MAP4K3: variants seen among roughly 807,000 people sequenced by gnomAD.
The protein encoded by MAP4K3 is MAPK/ERK kinase kinase kinase 3.
In MAP4K3, 94 loss-of-function variants were observed where a neutral mutation model predicts 143.5. The observed-to-expected ratio is 0.65, with a 90% CI of 0.55 to 0.78. The LOEUF is 0.78. Among genes scored for constraint, MAP4K3 ranks in the 30% least tolerant of loss-of-function variants. The pLI is 0.00. For synonymous variants in MAP4K3, 416 were observed against 347.2 expected (o/e 1.20, Z -2.20); for missense variants, 1,077 against 1,068.1 (o/e 1.01, Z -0.12).
At chr2:39,382,325 A>T (rs534296773) in intron 1 of MAP4K3, among the ~76,000 whole-genome samples, 1 of 152,340 alleles carries the variant, frequency 6.6e-6, no homozygotes, top group East Asian at 1.9e-4. Context: ...ACCATCATCT[A>T]CTATGTATTG....
chr2:39,347,821 T>C (rs17023746), intron 3 of MAP4K3, among the ~76,000 whole-genome samples: 3,089 of 152,156 alleles, frequency 0.02, 98 homozygotes, highest in African/African-American at 0.071. Context: ...CACAACTTCT[T>C]TCTTATAAGT....
chr2:39,322,535 AC>A (rs1683341103), intron 12 of MAP4K3, among the ~76,000 whole-genome samples: 1 of 151,734 alleles, frequency 6.6e-6, no homozygotes, highest in Non-Finnish European at 1.5e-5. Flanking sequence ...AAAAAGTCAA[AC>A]TTTCTTCCAC....
intron 9 of MAP4K3, 43 bp downstream of exon 9, chr2:39,326,103 T>C: frequency 1.3e-6 from 2 of 1,593,876 alleles, no homozygotes; most frequent in South Asian, 1.1e-5. Context: ...ACTAAGAGGA[T>C]AAAAACCTTA....
chr2:39,261,087 C>T, intron 28 of MAP4K3: 1 of 227,058 alleles, frequency 4.4e-6, no homozygotes, highest in Non-Finnish European at 8.5e-6. Flanking sequence ...AGCCCATGGT[C>T]CCCCGGCCTT....
At chr2:39,279,160 G>C (rs147125897) in intron 23 of MAP4K3, among the ~76,000 whole-genome samples, 1 of 152,130 alleles carries the variant, frequency 6.6e-6, no homozygotes, top group Non-Finnish European at 1.5e-5. Flanking sequence ...AAAAGTGCCC[G>C]ATCTGTTTTT....
At position 39,282,497 on chromosome 2, in the gene MAP4K3, C is replaced by T; in HGVS notation, c.1629+16G>A. The T allele has an allele frequency of 2.5e-6, 4 of 1,603,822 alleles. No homozygotes were observed. Among genetic ancestry groups the T allele is most frequent in the Non-Finnish European group, 3.4e-6 (4 of 1,172,804 alleles). On this transcript the variant is annotated intron_variant, in intron 22 of 33. Coordinates refer to ENST00000263881, the MANE Select transcript of MAP4K3 (RefSeq NM_003618.4). ...ACTTAGCTTGAAACTTAGCCTACTCCATATTTAGTACTTACATGCACTTTA... is the reference window on the plus strand; with the variant it reads ...ACTTAGCTTGAAACTTAGCCTACTCTATATTTAGTACTTACATGCACTTTA...
intron 2 of MAP4K3, among the ~76,000 whole-genome samples, chr2:39,363,549 A>T (rs1369439542): frequency 2.0e-5 from 3 of 151,694 alleles, no homozygotes; most frequent in Non-Finnish European, 2.9e-5. Flanking sequence ...GGTGTCTGTA[A>T]TCCCAGGTAC....
intron 1 of MAP4K3, among the ~76,000 whole-genome samples, chr2:39,416,264 TA>T (rs1304228170): frequency 1.3e-5 from 2 of 151,902 alleles, no homozygotes; most frequent in Non-Finnish European, 2.9e-5. Context: ...AACCAAATGC[TA>T]AACAGGCTCT....
intron 1 of MAP4K3, among the ~76,000 whole-genome samples, chr2:39,379,477 C>A (rs999459550): frequency 4.6e-5 from 7 of 151,996 alleles, no homozygotes; most frequent in Non-Finnish European, 7.4e-5. Context: ...ATAGACAGTG[C>A]TGGATACTAG....
chr2:39,359,431 G>C (rs1404095138), intron 2 of MAP4K3, among the ~76,000 whole-genome samples: 2 of 152,160 alleles, frequency 1.3e-5, no homozygotes, highest in Non-Finnish European at 2.9e-5. Flanking sequence ...TTCACAGGCT[G>C]GTATTAAGTG....
chr2:39,380,183 T>C (rs1666323057), intron 1 of MAP4K3, among the ~76,000 whole-genome samples: 1 of 152,164 alleles, frequency 6.6e-6, no homozygotes, highest in Non-Finnish European at 1.5e-5. Flanking sequence ...AGAAATATCT[T>C]CCAATATGTA....
Position 39,403,470 on chromosome 2 carries a change from T to C in MAP4K3, c.97-25347A>G, listed in dbSNP as rs143102970. On this transcript the variant is annotated intron_variant, in intron 1 of 33. Coordinates refer to ENST00000263881, the MANE Select transcript of MAP4K3 (RefSeq NM_003618.4). ...GCAGAGAATGTGTGTGCTTGAGGGA[T>C]GGAAAGCACAGTGATTGTGAGACTT... Among the ~76,000 whole-genome samples the C allele has an allele frequency of 4.0e-4, 61 of 152,192 alleles. No homozygotes were observed. The East Asian group carries it at 0.011, about 27-fold the overall frequency.
chr2:39,387,497 A>G lies in MAP4K3; in HGVS notation c.97-9374T>C, dbSNP rs533534687. ...GTCACACGTGGCTAGTGATAACTGC[A>G]TTAGACAGCACAACTCTAAAATGTT... On this transcript the variant is annotated intron_variant, in intron 1 of 33. Transcript: ENST00000263881. Among the ~76,000 whole-genome samples, 3 of 152,350 alleles carry G rather than the reference A, an allele frequency of 2.0e-5. No individual in the cohort carries two copies. In the South Asian group the frequency reaches 6.2e-4, roughly 32 times the overall value.
intron 1 of MAP4K3, among the ~76,000 whole-genome samples, chr2:39,414,700 C>A (rs565445894): frequency 3.9e-5 from 6 of 152,202 alleles, no homozygotes; most frequent in Admixed American, 3.9e-4. Context: ...ACGGTGAAAC[C>A]CCGTCTCTAG....
At chr2:39,290,544 A>C (rs1681998882) in intron 18 of MAP4K3, among the ~76,000 whole-genome samples, 1 of 152,214 alleles carries the variant, frequency 6.6e-6, no homozygotes, top group South Asian at 2.1e-4. Flanking sequence ...TGTTAAGTGA[A>C]ATAAGCCAAA....
intron 16 of MAP4K3, among the ~76,000 whole-genome samples, chr2:39,296,464 T>C (rs1682285895): frequency 6.6e-6 from 1 of 152,160 alleles, no homozygotes; most frequent in South Asian, 2.1e-4. Flanking sequence ...ACAAAAACAA[T>C]GCTTTCAGAT....
chr2:39,294,741 A>G (rs2148482554), intron 16 of MAP4K3, among the ~76,000 whole-genome samples: 1 of 152,386 alleles, frequency 6.6e-6, no homozygotes, highest in East Asian at 1.9e-4. Context: ...GTAATTTAGG[A>G]CAGAGTTGGG....
chr2:39,371,185 T>A (rs1159124066), intron 2 of MAP4K3, among the ~76,000 whole-genome samples: 3 of 150,806 alleles, frequency 2.0e-5, no homozygotes, highest in Non-Finnish European at 4.4e-5. Context: ...AAAGAAAAGA[T>A]AAGAGTTTTT....
intron 28 of MAP4K3, 86 bp from the exon 29 acceptor site, chr2:39,260,863 A>G: frequency 1.2e-6 from 1 of 842,154 alleles, no homozygotes; most frequent in African/African-American, 1.7e-5. Flanking sequence ...GCTTTCTACA[A>G]TAAAGACTGC....
Sources: allele counts gnomAD v4.1 joint callset (sites outside exome capture counted in the v4.1 genomes callset), GRCh38; gene constraint gnomAD v4.1.1; transcripts MANE v1.5; gene names NCBI Gene and HGNC (gene_info 2026-07-23, HGNC 2026-07-21).